Variants in TAS2R1 observed in about 807,000 individuals in gnomAD.
TAS2R1 encodes the protein taste receptor type 2 member 1.
For synonymous variants in TAS2R1, 141 were observed against 134.2 expected (o/e 1.05, Z -0.35); for missense variants, 370 against 353.4 (o/e 1.05, Z -0.38).
chr5:9,772,196 G>A, the TAS2R1 span, among the ~76,000 whole-genome samples: 2 of 151,960 alleles, frequency 1.3e-5, no homozygotes, highest in African/African-American at 2.4e-5. Context: ...GTTTTGGTAC[G>A]TTATATTGCC....
At chr5:9,668,937 G>C (rs1176484797) in intron 1 of TAS2R1, among the ~76,000 whole-genome samples, 1 of 151,948 alleles carries the variant, frequency 6.6e-6, no homozygotes, top group Non-Finnish European at 1.5e-5. Flanking sequence ...AATTTAAATG[G>C]GCTAAACACC....
At chr5:9,857,029 G>C in the TAS2R1 span, among the ~76,000 whole-genome samples, 1 of 152,112 alleles carries the variant, frequency 6.6e-6, no homozygotes, top group Non-Finnish European at 1.5e-5. Context: ...AATAAGCCCA[G>C]TACAGAAAGA....
chr5:9,882,996 C>A, the TAS2R1 span, among the ~76,000 whole-genome samples: 2 of 152,032 alleles, frequency 1.3e-5, no homozygotes, highest in African/African-American at 4.8e-5. Flanking sequence ...CAATGATAGA[C>A]TAGATAAAGA....
At chr5:9,643,413 T>C (rs1188068399) in intron 2 of TAS2R1, among the ~76,000 whole-genome samples, 1 of 152,122 alleles carries the variant, frequency 6.6e-6, no homozygotes, top group Non-Finnish European at 1.5e-5. Flanking sequence ...AAAAATAGGG[T>C]ACAAAAGTTG....
chr5:9,863,321 G>A, the TAS2R1 span, among the ~76,000 whole-genome samples: 1 of 146,872 alleles, frequency 6.8e-6, no homozygotes, highest in African/African-American at 2.6e-5. Flanking sequence ...AGACTGGAGT[G>A]CAGTAGCGTG....
the TAS2R1 span, among the ~76,000 whole-genome samples, chr5:9,719,925 AAAAAAAAAAAAAAC>A: frequency 8.8e-5 from 12 of 136,808 alleles, no homozygotes; most frequent in South Asian, 2.6e-3. Flanking sequence ...ATTCAAAAAA[AAAAAAAAAAAAAAC>A]AAAAACAAAA....
At chr5:9,873,926 G>A in the TAS2R1 span, among the ~76,000 whole-genome samples, 1 of 148,250 alleles carries the variant, frequency 6.7e-6, no homozygotes, top group South Asian at 2.2e-4. Context: ...GAAAAGAAAA[G>A]GGGAGGGTAG....
At chr5:9,687,217 G>A (rs1053042752) in intron 1 of TAS2R1, among the ~76,000 whole-genome samples, 8 of 152,078 alleles carry the variant, frequency 5.3e-5, no homozygotes, top group Non-Finnish European at 1.0e-4. Flanking sequence ...GTGATTGCTC[G>A]CCTCAGCCTC....
chr5:9,826,912 C>T, the TAS2R1 span, among the ~76,000 whole-genome samples: 160 of 152,242 alleles, frequency 1.1e-3, no homozygotes, highest in African/African-American at 3.7e-3. Context: ...TTCTCACCAG[C>T]TCTTACCACT....
chr5:9,869,676 T>C, the TAS2R1 span, among the ~76,000 whole-genome samples: 4 of 152,358 alleles, frequency 2.6e-5, no homozygotes, highest in South Asian at 4.1e-4. Context: ...ATTGCTGAGG[T>C]AATTAAGTGC....
the TAS2R1 span, among the ~76,000 whole-genome samples, chr5:9,830,280 CAGATGACAAAGAA>C: frequency 4.8e-4 from 73 of 152,030 alleles, no homozygotes; most frequent in African/African-American, 1.7e-3. Context: ...TAGATATAGA[CAGATGACAAAGAA>C]AGATGACAGA....
chr5:9,825,737 C>T, the TAS2R1 span, among the ~76,000 whole-genome samples: 3 of 152,212 alleles, frequency 2.0e-5, no homozygotes, highest in African/African-American at 7.2e-5. Flanking sequence ...TATTTCCACA[C>T]ATTCAATCTG....
chr5:9,648,078 C>T (rs977642611), intron 2 of TAS2R1, among the ~76,000 whole-genome samples: 1 of 152,086 alleles, frequency 6.6e-6, no homozygotes, highest in Non-Finnish European at 1.5e-5. Flanking sequence ...CTATTGTCAG[C>T]TATATTCAAA....
At chr5:9,828,445 T>C in the TAS2R1 span, among the ~76,000 whole-genome samples, 1 of 152,184 alleles carries the variant, frequency 6.6e-6, no homozygotes, top group African/African-American at 2.4e-5. Context: ...TGTTAATTAC[T>C]ACAACTGAGG....
the TAS2R1 span, among the ~76,000 whole-genome samples, chr5:9,827,429 GA>G: frequency 6.6e-6 from 1 of 152,120 alleles, no homozygotes. Context: ...GTTGTATTCA[GA>G]ACAATCTTTT....
At chr5:9,753,163 C>A in the TAS2R1 span, among the ~76,000 whole-genome samples, 9 of 152,226 alleles carry the variant, frequency 5.9e-5, no homozygotes, top group Non-Finnish European at 1.0e-4. Flanking sequence ...ATAGTCCCAC[C>A]AACAGTGTAA....
the TAS2R1 span, among the ~76,000 whole-genome samples, chr5:9,868,669 C>T: frequency 2.0e-5 from 3 of 152,198 alleles, no homozygotes; most frequent in Non-Finnish European, 4.4e-5. Context: ...ATTATTTATG[C>T]AAATTTTTGC....
chr5:9,830,002 T>C, the TAS2R1 span, among the ~76,000 whole-genome samples: 2 of 152,192 alleles, frequency 1.3e-5, no homozygotes, highest in Non-Finnish European at 2.9e-5. Context: ...TTGTGACCAT[T>C]GACCTTGTCA....
chr5:9,645,956 GT>G (rs1326954260), intron 2 of TAS2R1, among the ~76,000 whole-genome samples: 1 of 152,090 alleles, frequency 6.6e-6, no homozygotes, highest in Non-Finnish European at 1.5e-5. Context: ...GCTTGAGACG[GT>G]TTTTTGTCAC....
Sources: gnomAD v4.1 joint callset for allele counts (sites outside exome capture counted in the v4.1 genomes callset) on GRCh38, gnomAD v4.1.1 for gene constraint, MANE v1.5 for transcripts, NCBI Gene and HGNC (gene_info 2026-07-23, HGNC 2026-07-21) for gene names.